The following ZCCHC24 variants were observed in gnomAD, a reference collection of about 807,000 sequenced individuals.
ZCCHC24 encodes zinc finger CCHC domain-containing protein 24.
ZCCHC24 carries 10 observed loss-of-function variants against 26.2 expected under a neutral mutation model. That is an observed-to-expected ratio of 0.38 (90% CI 0.24 to 0.65). ZCCHC24 has a LOEUF of 0.65. ZCCHC24 is among the 30% of genes least tolerant of loss of function. ZCCHC24 has a pLI of 0.54. For missense variants in ZCCHC24, 243 were observed against 329.1 expected, an observed-to-expected ratio of 0.74 and a Z score of 2.03; for synonymous variants, 144 against 147.1, an observed-to-expected ratio of 0.98 and a Z score of 0.15.
At chr10:79,392,446 C>T (rs760241322) in intron 3 of ZCCHC24, among the ~76,000 whole-genome samples, 3 of 152,160 alleles carry the variant, frequency 2.0e-5, no homozygotes, top group Non-Finnish European at 2.9e-5. Context: ...CACCATCCAA[C>T]CCATGAAACT....
At chr10:79,403,962 G>A (rs576567203) in intron 2 of ZCCHC24, among the ~76,000 whole-genome samples, 1 of 152,144 alleles carries the variant, frequency 6.6e-6, no homozygotes, top group African/African-American at 2.4e-5. Flanking sequence ...AGAGATCCTG[G>A]AGAGACAGGG....
intron 2 of ZCCHC24, among the ~76,000 whole-genome samples, chr10:79,418,837 A>G (rs1212031671): frequency 6.6e-6 from 1 of 152,160 alleles, no homozygotes; most frequent in Non-Finnish European, 1.5e-5. Context: ...TGCTGTCCTG[A>G]CAAGTTAGGG....
intron 2 of ZCCHC24, chr10:79,403,425 G>A: frequency 2.0e-6 from 2 of 985,448 alleles, no homozygotes; most frequent in Non-Finnish European, 1.2e-6. Flanking sequence ...ACACTCACAT[G>A]TCCACATGCA....
intron 2 of ZCCHC24, among the ~76,000 whole-genome samples, chr10:79,419,790 A>G (rs912085462): frequency 6.6e-6 from 1 of 152,140 alleles, no homozygotes; most frequent in Non-Finnish European, 1.5e-5. Flanking sequence ...TAGGCCTTGC[A>G]GGTAGTTCAA....
intron 1 of ZCCHC24, among the ~76,000 whole-genome samples, chr10:79,442,026 G>T (rs1021643301): frequency 6.6e-6 from 1 of 152,146 alleles, no homozygotes; most frequent in Non-Finnish European, 1.5e-5. Flanking sequence ...ACAAGACTTG[G>T]CAGGGAAGAC....
At chr10:79,411,258 G>T (rs563437462) in intron 2 of ZCCHC24, among the ~76,000 whole-genome samples, 1 of 152,306 alleles carries the variant, frequency 6.6e-6, no homozygotes, top group Admixed American at 6.5e-5. Context: ...GGTAAAAAGA[G>T]GCCTTGACCT....
At chr10:79,433,091 CTAT>C (rs142574689) in intron 1 of ZCCHC24, among the ~76,000 whole-genome samples, 7 of 152,114 alleles carry the variant, frequency 4.6e-5, no homozygotes, top group East Asian at 3.8e-4. Context: ...TTGATGATGG[CTAT>C]TATTATTATT....
chr10:79,410,771 A>G (rs764415468), intron 2 of ZCCHC24, among the ~76,000 whole-genome samples: 1 of 73,516 alleles, frequency 1.4e-5, no homozygotes, highest in African/African-American at 5.5e-5. Context: ...GTGCTGCCAC[A>G]TTGCTGGGGA....
At chr10:79,393,997 G>A (rs1370222103) in intron 3 of ZCCHC24, among the ~76,000 whole-genome samples, 1 of 152,204 alleles carries the variant, frequency 6.6e-6, no homozygotes, top group African/African-American at 2.4e-5. Context: ...GGAAATTTGA[G>A]TTTTCTGCTG....
intron 1 of ZCCHC24, among the ~76,000 whole-genome samples, chr10:79,436,851 C>T (rs776419135): frequency 1.3e-5 from 2 of 152,188 alleles, no homozygotes; most frequent in Admixed American, 6.5e-5. Context: ...GCCATCTAGG[C>T]CCAGATCACC....
chr10:79,386,622 A>G (rs763775581), intron 3 of ZCCHC24, among the ~76,000 whole-genome samples, 164 bp from the exon 4 acceptor site: 2 of 152,116 alleles, frequency 1.3e-5, no homozygotes, highest in Admixed American at 1.3e-4. Context: ...ACTGACAGAC[A>G]CAGTGAGGGA....
intron 2 of ZCCHC24, among the ~76,000 whole-genome samples, chr10:79,420,886 G>C (rs961890000): frequency 6.6e-6 from 1 of 152,112 alleles, no homozygotes; most frequent in South Asian, 2.1e-4. Flanking sequence ...AAAATAACTC[G>C]GTTAAGCTCA....
chr10:79,424,551 C>T (rs1263226243), intron 2 of ZCCHC24, among the ~76,000 whole-genome samples: 1 of 152,188 alleles, frequency 6.6e-6, no homozygotes, highest in African/African-American at 2.4e-5. Context: ...TGTGTCCAGT[C>T]ATCAGTCCCT....
intron 2 of ZCCHC24, among the ~76,000 whole-genome samples, chr10:79,411,230 G>A (rs1856787022): frequency 6.6e-6 from 1 of 152,174 alleles, no homozygotes; most frequent in South Asian, 2.1e-4. Flanking sequence ...AAGCTGATTT[G>A]AAAATCACCT....
At chr10:79,424,774 C>T (rs1014405657) in intron 2 of ZCCHC24, among the ~76,000 whole-genome samples, 1 of 152,194 alleles carries the variant, frequency 6.6e-6, no homozygotes, top group Non-Finnish European at 1.5e-5. Context: ...CCCAGGAGCG[C>T]CTGCTGTGGC....
intron 2 of ZCCHC24, among the ~76,000 whole-genome samples, chr10:79,405,951 C>A (rs1212680357): frequency 1.3e-5 from 2 of 152,256 alleles, no homozygotes; most frequent in East Asian, 3.8e-4. Context: ...CCTCGCAAAA[C>A]CCTCACATAA....
At chr10:79,427,766 C>T (rs1784174477) in intron 2 of ZCCHC24, among the ~76,000 whole-genome samples, 1 of 152,150 alleles carries the variant, frequency 6.6e-6, no homozygotes, top group Non-Finnish European at 1.5e-5. Context: ...GTAATCCCAG[C>T]ACTTTTGGAG....
At chr10:79,390,172 C>T (rs768935261) in intron 3 of ZCCHC24, among the ~76,000 whole-genome samples, 9 of 152,148 alleles carry the variant, frequency 5.9e-5, no homozygotes, top group African/African-American at 1.2e-4. Context: ...TGCCCAGCTG[C>T]GATGATTGTC....
chr10:79,443,760 C>T (rs148231866), intron 1 of ZCCHC24, among the ~76,000 whole-genome samples: 4 of 152,382 alleles, frequency 2.6e-5, no homozygotes, highest in African/African-American at 9.6e-5. Context: ...AGATCCCCAG[C>T]CAAGAACCAT....
Sources: allele counts gnomAD v4.1 joint callset (sites outside exome capture counted in the v4.1 genomes callset), GRCh38; gene constraint gnomAD v4.1.1; transcripts MANE v1.5; gene names NCBI Gene and HGNC (gene_info 2026-07-23, HGNC 2026-07-21).